NDP: variants seen among roughly 807,000 people sequenced by gnomAD.
NDP encodes the protein norrin cystine knot growth factor NDP.
Under a neutral mutation model 8.4 loss-of-function variants are expected in NDP, and 2 were observed. That is an observed-to-expected ratio of 0.24 (90% CI 0.10 to 0.75). The LOEUF (loss-of-function observed/expected upper bound fraction) is 0.75. NDP is among the 30% of genes least tolerant of loss of function. The probability of loss-of-function intolerance (pLI) is 0.73; values close to 1 mark genes in which losing one functional copy is unlikely to be tolerated. For synonymous variants in NDP, 55 were observed against 45.6 expected (o/e 1.21, Z -0.83); for missense variants, 81 against 110.1 (o/e 0.74, Z 1.18).
chrX:43,967,702 A>G (rs775851412), intron 1 of NDP, among the ~76,000 whole-genome samples: 1 of 111,344 alleles, frequency 9.0e-6, no homozygotes, highest in East Asian at 2.8e-4. Context: ...TTTATTCCCT[A>G]CTGATGAAAG....
chrX:43,970,173 C>T (rs892271748), intron 1 of NDP, among the ~76,000 whole-genome samples: 6 of 111,876 alleles, frequency 5.4e-5, no homozygotes, highest in Non-Finnish European at 1.1e-4. Context: ...CAGCTGATCA[C>T]AGCCAGGGCA....
intron 1 of NDP, among the ~76,000 whole-genome samples, chrX:43,968,478 C>A (rs1230429443): frequency 8.9e-6 from 1 of 112,820 alleles, no homozygotes; most frequent in Non-Finnish European, 1.9e-5. Flanking sequence ...TCCAGCCTCC[C>A]CTGCCCTGCT....
At chrX:43,963,020 C>T (rs927844263) in intron 1 of NDP, among the ~76,000 whole-genome samples, 6 of 112,075 alleles carry the variant, frequency 5.4e-5, no homozygotes, top group Non-Finnish European at 7.5e-5. Flanking sequence ...GCTGGTTTCA[C>T]GCAAGTTATC....
At chrX:43,964,996 G>C (rs1001637884) in intron 1 of NDP, among the ~76,000 whole-genome samples, 1 of 112,371 alleles carries the variant, frequency 8.9e-6, no homozygotes, top group African/African-American at 3.2e-5. Context: ...TGAAGCCCAA[G>C]CTATAAGTAT....
At chrX:43,969,768 T>C (rs1384201248) in intron 1 of NDP, 1 of 111,687 alleles carries the variant, frequency 9.0e-6, no homozygotes, top group East Asian at 2.8e-4. Flanking sequence ...ACCCAAGCTG[T>C]CTGGAAAACA....
intron 2 of NDP, among the ~76,000 whole-genome samples, chrX:43,953,801 C>T (rs976032810): frequency 1.2e-4 from 14 of 112,888 alleles, no homozygotes; most frequent in African/African-American, 4.5e-4. Flanking sequence ...CAGTATAATA[C>T]CTGCCTCCTG....
At chrX:43,954,013 C>G (rs111632317) in intron 2 of NDP, among the ~76,000 whole-genome samples, 3,165 of 112,484 alleles carry the variant, frequency 0.028, 110 homozygotes, top group African/African-American at 0.095. Flanking sequence ...TCACCATTAG[C>G]ATCAGAATAA....
At chrX:43,965,556 A>T (rs764079582) in intron 1 of NDP, among the ~76,000 whole-genome samples, 2 of 112,055 alleles carry the variant, frequency 1.8e-5, no homozygotes, top group African/African-American at 3.2e-5. Context: ...CAAAGCATAA[A>T]CGGGGAGAGA....
At chrX:43,964,512 CT>C (rs1000678307) in intron 1 of NDP, among the ~76,000 whole-genome samples, 5 of 109,759 alleles carry the variant, frequency 4.6e-5, no homozygotes, top group Admixed American at 1.9e-4. Context: ...AAAATCCTGA[CT>C]TTTTTTTTCA....
chrX:43,953,204 A>G (rs1261759382), intron 2 of NDP: 1 of 110,282 alleles, frequency 9.1e-6, no homozygotes, highest in Non-Finnish European at 1.9e-5. Context: ...GAAGTGGTAA[A>G]GCAGAAGTTT....
At chrX:43,958,976 G>A (rs921217920) in intron 1 of NDP, 124 bp from the exon 2 acceptor site, 29 of 266,113 alleles carry the variant, frequency 1.1e-4, no homozygotes, top group African/African-American at 3.3e-4. Flanking sequence ...TTTCTAGAGC[G>A]TCATTAGCAA....
At chrX:43,950,092 T>C (rs1350449264) in intron 2 of NDP, 66 bp from the exon 3 acceptor site, 35 of 989,169 alleles carry the variant, frequency 3.5e-5, no homozygotes, top group Non-Finnish European at 4.6e-5. Flanking sequence ...TAAAACAGCA[T>C]CTTTTGAAAG....
intron 2 of NDP, among the ~76,000 whole-genome samples, chrX:43,958,042 G>A (rs769466363): frequency 9.0e-6 from 1 of 110,723 alleles, no homozygotes; most frequent in Non-Finnish European, 1.9e-5. Context: ...GAAAGGCTCA[G>A]ACCACAAAGC....
intron 2 of NDP, among the ~76,000 whole-genome samples, chrX:43,955,147 C>T (rs1434585370): frequency 8.9e-6 from 1 of 112,209 alleles, no homozygotes; most frequent in African/African-American, 3.2e-5. Context: ...ACAAGAACTA[C>T]AATAAGGTTC....
chrX:43,953,465 A>C (rs187536235), intron 2 of NDP: 1 of 112,501 alleles, frequency 8.9e-6, no homozygotes, highest in East Asian at 2.8e-4. Context: ...ATCAGATTCC[A>C]GTTGATGTCA....
Position 43,948,789 on chromosome X carries a change from C to CT in NDP, c.*1009dup. ...AAACAGTCAAAATTTTGAATATACTCTTTTTATTTCAAAACGTGGGAATAA... is the reference window on the plus strand; with the variant it reads ...AAACAGTCAAAATTTTGAATATACTCTTTTTTATTTCAAAACGTGGGAATAA... On this transcript the variant is annotated 3_prime_UTR_variant, in exon 3 of 3. Transcript: ENST00000642620. 1 of 111,218 alleles carries CT rather than the reference C, an allele frequency of 9.0e-6. No individual in the cohort carries two copies. Among genetic ancestry groups the CT allele is most frequent in the Non-Finnish European group, 1.9e-5 (1 of 53,056 alleles). The allele number at this position is 111,218 out of a possible 1,213,427, so 9.2% of individuals were successfully genotyped here.
intron 2 of NDP, chrX:43,954,380 C>T (rs2035780307): frequency 9.0e-6 from 1 of 110,869 alleles, no homozygotes; most frequent in African/African-American, 3.3e-5. Flanking sequence ...AAACTGGTCC[C>T]TTCACTCCGG....
chrX:43,965,728 G>A (rs2035854346), intron 1 of NDP, among the ~76,000 whole-genome samples: 1 of 111,666 alleles, frequency 9.0e-6, no homozygotes, highest in South Asian at 3.8e-4. Flanking sequence ...GACAATCTCT[G>A]ATACTCTGGT....
chrX:43,967,268 T>G (rs2035863125), intron 1 of NDP, among the ~76,000 whole-genome samples: 1 of 111,311 alleles, frequency 9.0e-6, no homozygotes, highest in African/African-American at 3.3e-5. Context: ...TTTTTCATAA[T>G]TTGGTGGGGG....
Sources: allele counts gnomAD v4.1 joint callset (sites outside exome capture counted in the v4.1 genomes callset), GRCh38; gene constraint gnomAD v4.1.1; transcripts MANE v1.5; gene names NCBI Gene and HGNC (gene_info 2026-07-23, HGNC 2026-07-21).